SLC24A4: variants seen among roughly 807,000 people sequenced by gnomAD.
The protein encoded by SLC24A4 is solute carrier family 24 member 4.
A neutral mutation model predicts 79.0 loss-of-function variants in SLC24A4; 53 were observed. That is an observed-to-expected ratio of 0.67 (90% CI 0.54 to 0.84). The LOEUF (loss-of-function observed/expected upper bound fraction) is 0.84, where lower values mean the gene tolerates loss of function less well. Among genes scored for constraint, SLC24A4 ranks in the 40% least tolerant of loss-of-function variants. SLC24A4 has a pLI of 0.00. For missense variants in SLC24A4, 731 were observed against 822.0 expected (o/e 0.89, Z 1.35); for synonymous variants, 323 against 323.8 (o/e 1.00, Z 0.03).
chr14:92,398,167 G>T lies in SLC24A4; in HGVS notation c.242-35745G>T, dbSNP rs1262142322. On this transcript the variant is annotated intron_variant, in intron 2 of 16. Coordinates refer to ENST00000532405, the MANE Select transcript of SLC24A4 (RefSeq NM_153646.4). This position sits in a 1 kb window ranked among gnomAD's most constrained non-coding sequence, Gnocchi z 4.1. ...TGTTTTCATTTTTAAGATATGCCTG[G>T]TGTGTGCATGCCTAAGTTGGTTGAA... Among the ~76,000 whole-genome samples, 1 of 152,232 alleles carries T rather than the reference G, an allele frequency of 6.6e-6. No individual in the cohort carries two copies. Among genetic ancestry groups the T allele is most frequent in the East Asian group, 1.9e-4 (1 of 5,194 alleles).
chr14:92,386,835 G>C (rs1889184425), intron 2 of SLC24A4, among the ~76,000 whole-genome samples: 1 of 152,220 alleles, frequency 6.6e-6, no homozygotes, highest in Non-Finnish European at 1.5e-5. Context: ...CGCTAACCTT[G>C]AGGCGGGGTT....
rs768090965 is a variant in SLC24A4, at chr14:92,493,512, C to T, written c.1753C>T (p.Arg585Trp). Reference sequence around the variant, plus strand: ...CCACCTAAACAAGTGGCGACTGGACCGGAAGCTGGGTGTCTACGTGCTGGT... The same window carrying T: ...CCACCTAAACAAGTGGCGACTGGACTGGAAGCTGGGTGTCTACGTGCTGGT... ...GIHLNKWRLD[R>W]KLGVYVLVLY... Residue 585 changes from arginine (R) to tryptophan (W), a missense_variant, in exon 17 of 17, where the codon CGG (arginine) becomes TGG (tryptophan). By Grantham distance (101) the Arg-to-Trp change is moderately radical. Coordinates refer to ENST00000532405, the MANE Select transcript of SLC24A4 (RefSeq NM_153646.4). 25 of 1,614,200 alleles carry T rather than the reference C, an allele frequency of 1.5e-5. No individual in the cohort carries two copies. The highest frequency in any genetic ancestry group is 1.6e-5 in the Non-Finnish European group (19 of 1,180,032).
intron 2 of SLC24A4, among the ~76,000 whole-genome samples, chr14:92,402,203 G>A (rs913444787): frequency 3.3e-5 from 5 of 152,126 alleles, no homozygotes; most frequent in South Asian, 2.1e-4. Flanking sequence ...CTTGGTTCCC[G>A]TGGCTTCTAA....
intron 2 of SLC24A4, among the ~76,000 whole-genome samples, chr14:92,418,261 G>T (rs1036653306): frequency 1.3e-5 from 2 of 152,208 alleles, no homozygotes; most frequent in East Asian, 3.8e-4. Context: ...AGCCAAGAGT[G>T]CTGAGGGGGT....
At chr14:92,391,408 G>T (rs558942798) in intron 2 of SLC24A4, among the ~76,000 whole-genome samples, 1 of 152,264 alleles carries the variant, frequency 6.6e-6, no homozygotes, top group South Asian at 2.1e-4. Flanking sequence ...CTAAACACTG[G>T]GTTTCCCTAA....
chr14:92,489,680 C>G (rs550890571), intron 14 of SLC24A4, among the ~76,000 whole-genome samples: 1 of 152,152 alleles, frequency 6.6e-6, no homozygotes, highest in East Asian at 1.9e-4. Flanking sequence ...TTCACAAGAC[C>G]CCCAGGTGAT....
chr14:92,454,182 C>T (rs1218193146), intron 11 of SLC24A4, 113 bp downstream of exon 11: 11 of 1,134,720 alleles, frequency 9.7e-6, no homozygotes, highest in Non-Finnish European at 1.4e-5. Context: ...GGAAGGATGC[C>T]CTGGGGCCTC....
intron 2 of SLC24A4, among the ~76,000 whole-genome samples, chr14:92,331,809 C>G (rs1057393262): frequency 3.9e-5 from 6 of 152,218 alleles, no homozygotes; most frequent in African/African-American, 1.2e-4. Context: ...CCAACCCCTT[C>G]TCTTTCTCCT....
chr14:92,414,311 G>A (rs12434167), intron 2 of SLC24A4, among the ~76,000 whole-genome samples: 10,628 of 152,198 alleles, frequency 0.07, 436 homozygotes, highest in Middle Eastern at 0.099. Flanking sequence ...CATAGGTAGG[G>A]GTAGGGGGTG....
chr14:92,412,951 G>T (rs1890800058), intron 2 of SLC24A4, among the ~76,000 whole-genome samples: 1 of 152,214 alleles, frequency 6.6e-6, no homozygotes, highest in African/African-American at 2.4e-5. Flanking sequence ...GAATGACAGA[G>T]AATTCAGATT....
intron 2 of SLC24A4, among the ~76,000 whole-genome samples, chr14:92,397,109 G>T (rs1358030898): frequency 1.3e-5 from 2 of 152,184 alleles, no homozygotes; most frequent in African/African-American, 4.8e-5. Flanking sequence ...TTGTGTAGAA[G>T]AGAAAAAGCT....
intron 2 of SLC24A4, among the ~76,000 whole-genome samples, chr14:92,327,604 A>G (rs149301898): frequency 7.2e-4 from 110 of 152,252 alleles, no homozygotes; most frequent in African/African-American, 2.5e-3. Context: ...GGTGGTTTCA[A>G]GCTTGCTGGT....
chr14:92,372,630 G>T (rs1888233333), intron 2 of SLC24A4, among the ~76,000 whole-genome samples: 1 of 152,112 alleles, frequency 6.6e-6, no homozygotes, highest in African/African-American at 2.4e-5. Context: ...CATAATCCAG[G>T]TCCATGTTTT....
rs1892959981 is a variant in SLC24A4, at chr14:92,448,760, G to A, written c.738-314G>A. On this transcript the variant is annotated intron_variant, in intron 9 of 16. Coordinates refer to ENST00000532405, the MANE Select transcript of SLC24A4 (RefSeq NM_153646.4). ...CCCCTGCGAGCCTGCCCAGAGGCGA[G>A]GCCGAGCTTCCTTTATTAGGACAGG... Among the ~76,000 whole-genome samples the A allele has an allele frequency of 2.0e-5, 3 of 152,316 alleles. No homozygotes were observed. In the South Asian group the frequency reaches 6.2e-4, roughly 32 times the overall value.
chr14:92,365,409 A>G (rs1887773213), intron 2 of SLC24A4, among the ~76,000 whole-genome samples: 1 of 152,220 alleles, frequency 6.6e-6, no homozygotes, highest in Admixed American at 6.5e-5. Context: ...GGTCACATAC[A>G]GGCCTTTATA....
rs1187773959 is a variant in SLC24A4, at chr14:92,496,909, G to A, written c.*3281G>A. 6.6e-6 allele frequency: 1 copy of A among 152,260 alleles called. No individual in the cohort carries two copies. Among genetic ancestry groups the A allele is most frequent in the Non-Finnish European group, 1.5e-5 (1 of 68,150 alleles). 9.4% of individuals were successfully genotyped at this position (152,260 alleles called of 1,614,324 possible). A position where few individuals can be genotyped will look rare whatever the true frequency, so the allele number is the denominator to read the frequency against. ...TGCAACCTCCGCCTCCCAGGTTCAAGCAATTCTTGTGCCTCAGCCTCCTGA... is the reference window on the plus strand; with the variant it reads ...TGCAACCTCCGCCTCCCAGGTTCAAACAATTCTTGTGCCTCAGCCTCCTGA... On this transcript the variant is annotated 3_prime_UTR_variant, in exon 17 of 17. Transcript: ENST00000532405.
At chr14:92,483,754 G>T (rs1404713067) in intron 13 of SLC24A4, 2 of 1,290,002 alleles carry the variant, frequency 1.6e-6, no homozygotes, top group Non-Finnish European at 2.0e-6. Flanking sequence ...AGCAGTTCCA[G>T]CATGGCTGCA....
chr14:92,328,227 T>C (rs1885260355), intron 2 of SLC24A4, among the ~76,000 whole-genome samples: 1 of 152,208 alleles, frequency 6.6e-6, no homozygotes, highest in South Asian at 2.1e-4. Flanking sequence ...CCTTTTCATT[T>C]CACAAGTCTG....
rs1469067610 is a variant in SLC24A4, at chr14:92,353,052, A to G, written c.241+27074A>G. Among the ~76,000 whole-genome samples the G allele has an allele frequency of 6.6e-6, 1 of 152,198 alleles. No homozygotes were observed. The highest frequency in any genetic ancestry group is 2.4e-5 in the African/African-American group (1 of 41,434). On this transcript the variant is annotated intron_variant, in intron 2 of 16. Coordinates refer to ENST00000532405, the MANE Select transcript of SLC24A4 (RefSeq NM_153646.4). This position sits in a 1 kb window ranked among gnomAD's most constrained non-coding sequence, Gnocchi z 4.1. ...TGATTCAAAATTCAAAAAGCACTGG[A>G]GATGATAAAATAAAACCTCTGTCTC...
Sources: gnomAD v4.1 joint callset for allele counts (sites outside exome capture counted in the v4.1 genomes callset) on GRCh38, gnomAD v4.1.1 for gene constraint, Gnocchi (gnomAD v3.1) non-coding constraint, MANE v1.5 for transcripts, NCBI Gene and HGNC (gene_info 2026-07-23, HGNC 2026-07-21) for gene names.